Variants in USP3 observed in about 807,000 individuals in gnomAD.
The protein encoded by USP3 is ubiquitin carboxyl-terminal hydrolase 3.
USP3 carries 20 observed loss-of-function variants against 72.3 expected under a neutral mutation model. That is an observed-to-expected ratio of 0.28 (90% CI 0.19 to 0.40). USP3 has a LOEUF of 0.40. Ranked by LOEUF, USP3 falls within the 10% of genes least tolerant of loss-of-function variation. The pLI is 1.00. For missense variants in USP3, 479 were observed against 633.9 expected, an observed-to-expected ratio of 0.76 and a Z score of 2.62; for synonymous variants, 222 against 225.3, an observed-to-expected ratio of 0.99 and a Z score of 0.13.
At chr15:63,562,442 G>A (rs1057380042) in intron 7 of USP3, among the ~76,000 whole-genome samples, 2 of 152,204 alleles carry the variant, frequency 1.3e-5, no homozygotes, top group Non-Finnish European at 2.9e-5. Context: ...GGAGTTGAGA[G>A]TCACTGGTGG....
rs548359406 is a variant in USP3 at position 63,587,371 on chromosome 15, C to A, written c.1097-934C>A. ...GTATTTTATATAGATTTATGAATAT[C>A]TGATTGCATCAGGAATTGGCACAGG... On this transcript the variant is annotated intron_variant, in intron 11 of 14. Coordinates refer to ENST00000380324, the MANE Select transcript of USP3 (RefSeq NM_006537.4). 5.4e-4 allele frequency among the ~76,000 whole-genome samples: 82 copies of A among 151,830 alleles called. 1 individual carries two copies. The highest frequency in any genetic ancestry group is 1.8e-3 in the African/African-American group (75 of 41,440).
chr15:63,535,279 C>T (rs751543870), intron 2 of USP3, among the ~76,000 whole-genome samples: 8 of 152,188 alleles, frequency 5.3e-5, no homozygotes, highest in Non-Finnish European at 7.3e-5. Flanking sequence ...TACATGTTAT[C>T]TTGAAATATG....
intron 3 of USP3, among the ~76,000 whole-genome samples, chr15:63,540,502 G>A (rs1246919941): frequency 6.6e-6 from 1 of 152,184 alleles, no homozygotes; most frequent in African/African-American, 2.4e-5. Flanking sequence ...AATGGGGAAG[G>A]TTACATCAGA....
chr15:63,555,722 A>G (rs1297368292), intron 4 of USP3, among the ~76,000 whole-genome samples: 1 of 152,228 alleles, frequency 6.6e-6, no homozygotes, highest in South Asian at 2.1e-4. Context: ...TGAACACTAT[A>G]GAGTATGGAA....
At chr15:63,552,797 G>A (rs993890914) in intron 3 of USP3, among the ~76,000 whole-genome samples, 23 of 151,992 alleles carry the variant, frequency 1.5e-4, no homozygotes, top group African/African-American at 5.6e-4. Context: ...TGCTAGAGAT[G>A]ACCTAATTTT....
chr15:63,555,015 G>C (rs911218170), intron 4 of USP3, among the ~76,000 whole-genome samples: 1 of 152,172 alleles, frequency 6.6e-6, no homozygotes, highest in Non-Finnish European at 1.5e-5. Context: ...CTTTGGTGTG[G>C]TGATGTCCTT....
rs1240409297 is a variant in USP3, at chr15:63,588,595, T to C, written c.1216-107T>C. 19 of 978,010 alleles carry C rather than the reference T, an allele frequency of 1.9e-5. No homozygotes were observed. The Admixed American group carries it at 2.3e-4, about 12-fold the overall frequency. 60.6% of individuals were successfully genotyped at this position (978,010 alleles called of 1,614,324 possible). A position where few individuals can be genotyped will look rare whatever the true frequency, so the allele number is the denominator to read the frequency against. The stretch of plus-strand genomic sequence containing the variant: ...GCATAAGGTATGCATGGAAGAATGA[T>C]TGATAGGGCAGCTAAAATGTTATTT... On this transcript the variant is annotated intron_variant, in intron 12 of 14. Coordinates refer to ENST00000380324, the MANE Select transcript of USP3 (RefSeq NM_006537.4). This position sits in a 1 kb window ranked among gnomAD's most constrained non-coding sequence, Gnocchi z 4.6.
intron 3 of USP3, among the ~76,000 whole-genome samples, chr15:63,543,272 G>T (rs1035447654): frequency 6.6e-6 from 1 of 151,820 alleles, no homozygotes; most frequent in Admixed American, 6.6e-5. Flanking sequence ...TTTACATGAT[G>T]GTCCTCAAAC....
At chr15:63,583,705 C>T (rs2067003852) in intron 11 of USP3, among the ~76,000 whole-genome samples, 1 of 152,124 alleles carries the variant, frequency 6.6e-6, no homozygotes, top group Non-Finnish European at 1.5e-5. Flanking sequence ...ATTCTAGGCA[C>T]CTCATATAAG....
intron 8 of USP3, among the ~76,000 whole-genome samples, chr15:63,567,974 T>G (rs1250556271): frequency 1.3e-5 from 2 of 152,186 alleles, no homozygotes; most frequent in Non-Finnish European, 2.9e-5. Flanking sequence ...CCCCAGTGAT[T>G]TGTCACAGCA....
chr15:63,507,760 A>T (rs1019527392), intron 1 of USP3, among the ~76,000 whole-genome samples: 1 of 152,024 alleles, frequency 6.6e-6, no homozygotes, highest in Non-Finnish European at 1.5e-5. Context: ...TGATCTTAGG[A>T]CCCCTTTACA....
chr15:63,546,992 C>A (rs192042527), intron 3 of USP3, among the ~76,000 whole-genome samples: 317 of 152,266 alleles, frequency 2.1e-3, no homozygotes, highest in African/African-American at 7.3e-3. Context: ...TAAAGCAACC[C>A]GGTAACATTT....
At position 63,570,658 on chromosome 15, in the gene USP3, C is replaced by T. The variant is rs1207861870; in HGVS notation, c.908+79C>T. 2 of 1,529,342 alleles carry T rather than the reference C, an allele frequency of 1.3e-6. No individual in the cohort carries two copies. The highest frequency in any genetic ancestry group is 1.3e-5 in the South Asian group (1 of 76,174). 94.7% of individuals were successfully genotyped at this position (1,529,342 alleles called of 1,614,324 possible). A position where few individuals can be genotyped will look rare whatever the true frequency, so the allele number is the denominator to read the frequency against. On this transcript the variant is annotated intron_variant, in intron 9 of 14. Transcript: ENST00000380324. This position sits in a 1 kb window ranked among gnomAD's most constrained non-coding sequence, Gnocchi z 4.4. ...TGTTAATTATGTGTTAGATTTATAA[C>T]GGAAGGTAGAGGGGTTTCTTGGACA...
At chr15:63,505,411 G>C (rs1012142493) in intron 1 of USP3, among the ~76,000 whole-genome samples, 3 of 152,314 alleles carry the variant, frequency 2.0e-5, no homozygotes, top group Admixed American at 2.0e-4. Context: ...CTGGGAGCTC[G>C]GGCGGCGGAG....
intron 3 of USP3, among the ~76,000 whole-genome samples, chr15:63,542,936 T>G (rs560607054): frequency 6.6e-6 from 1 of 152,216 alleles, no homozygotes; most frequent in African/African-American, 2.4e-5. Context: ...AATGATACAA[T>G]AGAATAGCTG....
chr15:63,559,164 A>G (rs994108770), intron 6 of USP3, among the ~76,000 whole-genome samples: 1 of 152,248 alleles, frequency 6.6e-6, no homozygotes, highest in African/African-American at 2.4e-5. Flanking sequence ...ATAATGGAAC[A>G]CTAGGCATAA....
chr15:63,566,687 T>C (rs954870036), intron 8 of USP3, among the ~76,000 whole-genome samples: 10 of 152,234 alleles, frequency 6.6e-5, no homozygotes, highest in African/African-American at 1.7e-4. Flanking sequence ...TTTAAAATAC[T>C]ATGCTATTGA....
At chr15:63,573,457 C>A (rs935616115) in intron 9 of USP3, among the ~76,000 whole-genome samples, 3 of 152,198 alleles carry the variant, frequency 2.0e-5, no homozygotes, top group Non-Finnish European at 4.4e-5. Context: ...ATTAAGTGAG[C>A]TTTTTAAAAA....
In USP3 at chr15:63,549,506, C is replaced by CT. The variant is rs150632484; in HGVS notation, c.285-4208dup. Among the ~76,000 whole-genome samples the CT allele has an allele frequency of 1.9e-3, 282 of 152,290 alleles. 3 individuals are homozygous for CT. In the East Asian group the frequency reaches 0.023, roughly 12 times the overall value. ...GCATCATATAAATCGAAAATCAACT[C>CT]TAAGTTTATCCAAATCAACAAAGCG... On this transcript the variant is annotated intron_variant, in intron 3 of 14. Coordinates refer to ENST00000380324, the MANE Select transcript of USP3 (RefSeq NM_006537.4).
Sources: gnomAD v4.1 joint callset for allele counts (sites outside exome capture counted in the v4.1 genomes callset) on GRCh38, gnomAD v4.1.1 for gene constraint, Gnocchi (gnomAD v3.1) non-coding constraint, MANE v1.5 for transcripts, NCBI Gene and HGNC (gene_info 2026-07-23, HGNC 2026-07-21) for gene names.